The following SLC67A2 variants were observed in gnomAD, a reference collection of about 807,000 sequenced individuals.
SLC67A2 encodes the protein solute carrier family 67 member A2.
At chr2:102,729,314 AG>A in the SLC67A2 span, among the ~76,000 whole-genome samples, 1 of 152,236 alleles carries the variant, frequency 6.6e-6, no homozygotes, top group Admixed American at 6.5e-5. Context: ...AACTATTGCC[AG>A]GTACTCTGAT....
chr2:102,725,647 A>G, the SLC67A2 span, among the ~76,000 whole-genome samples: 2 of 152,228 alleles, frequency 1.3e-5, no homozygotes, highest in Non-Finnish European at 2.9e-5. Flanking sequence ...AACTGACCAC[A>G]TTTAAGCAAA....
At chr2:102,730,512 T>G in the SLC67A2 span, among the ~76,000 whole-genome samples, 1 of 152,150 alleles carries the variant, frequency 6.6e-6, no homozygotes, top group Non-Finnish European at 1.5e-5. Context: ...TTACTGTCAA[T>G]GAAGTGTAAT....
At chr2:102,731,529 TA>T in the SLC67A2 span, among the ~76,000 whole-genome samples, 1 of 152,244 alleles carries the variant, frequency 6.6e-6, no homozygotes, top group Non-Finnish European at 1.5e-5. Context: ...AAAGAATTTA[TA>T]TTTTTTTTAC....
At chr2:102,725,219 T>C in the SLC67A2 span, among the ~76,000 whole-genome samples, 21 of 152,172 alleles carry the variant, frequency 1.4e-4, no homozygotes, top group African/African-American at 2.4e-5. Flanking sequence ...AATCCACAAC[T>C]GACTTTGTGA....
the SLC67A2 span, chr2:102,723,799 A>G: frequency 6.2e-7 from 1 of 1,614,210 alleles, no homozygotes; most frequent in Non-Finnish European, 8.5e-7. Context: ...CCCAAGATGA[A>G]GCCCACACCG....
chr2:102,735,667 C>T, the SLC67A2 span, among the ~76,000 whole-genome samples: 1 of 152,142 alleles, frequency 6.6e-6, no homozygotes, highest in Non-Finnish European at 1.5e-5. Context: ...CAGAAACTAC[C>T]AACATCAGCT....
the SLC67A2 span, among the ~76,000 whole-genome samples, chr2:102,730,740 G>A: frequency 2.7e-5 from 4 of 150,906 alleles, no homozygotes; most frequent in Admixed American, 2.0e-4. Flanking sequence ...TAGTAGAGAC[G>A]GGGTTTCACC....
chr2:102,736,589 G>A, the SLC67A2 span: 4 of 1,612,966 alleles, frequency 2.5e-6, no homozygotes, highest in Non-Finnish European at 2.5e-6. Flanking sequence ...GAACCGCCTG[G>A]GTCCCCAGGC....
chr2:102,727,030 T>C, the SLC67A2 span: 22 of 1,579,594 alleles, frequency 1.4e-5, no homozygotes, highest in East Asian at 2.3e-5. Flanking sequence ...ACTACCACCA[T>C]GCAAATGACC....
the SLC67A2 span, chr2:102,731,118 A>G: frequency 1.3e-6 from 2 of 1,489,816 alleles, no homozygotes; most frequent in Non-Finnish European, 1.9e-6. Flanking sequence ...CTATCACAAA[A>G]ATGGATTAAT....
the SLC67A2 span, among the ~76,000 whole-genome samples, chr2:102,724,657 T>C: frequency 1.3e-5 from 2 of 152,166 alleles, no homozygotes; most frequent in African/African-American, 2.4e-5. Flanking sequence ...CAACACATAG[T>C]AGAAACTGAA....
At chr2:102,728,176 T>C in the SLC67A2 span, among the ~76,000 whole-genome samples, 2 of 152,142 alleles carry the variant, frequency 1.3e-5, no homozygotes, top group Non-Finnish European at 2.9e-5. Flanking sequence ...CTAAACACTA[T>C]ACTATCAATG....
the SLC67A2 span, among the ~76,000 whole-genome samples, chr2:102,724,581 G>A: frequency 3.9e-5 from 6 of 152,108 alleles, no homozygotes; most frequent in South Asian, 2.1e-4. Context: ...GACCCCCCAC[G>A]TGCAGAACAA....
At chr2:102,720,241 C>T in the SLC67A2 span, among the ~76,000 whole-genome samples, 1 of 152,140 alleles carries the variant, frequency 6.6e-6, no homozygotes, top group African/African-American at 2.4e-5. Context: ...TGTATAAGTG[C>T]TTCAGCCATA....
At chr2:102,716,027 G>C in the SLC67A2 span, 2 of 152,110 alleles carry the variant, frequency 1.3e-5, no homozygotes, top group Non-Finnish European at 2.9e-5. Flanking sequence ...TGATGCTACT[G>C]GTCTCTGGGT....
the SLC67A2 span, chr2:102,718,908 G>A: frequency 2.2e-5 from 36 of 1,614,076 alleles, no homozygotes; most frequent in Middle Eastern, 3.3e-4. Context: ...ACCCCAAAGC[G>A]CTCCTCCAGG....
the SLC67A2 span, among the ~76,000 whole-genome samples, chr2:102,729,627 C>A: frequency 6.6e-6 from 1 of 152,132 alleles, no homozygotes; most frequent in Non-Finnish European, 1.5e-5. Context: ...CATTTTATAT[C>A]ATTAAGGCAA....
At chr2:102,718,495 T>C in the SLC67A2 span, 41 of 1,613,880 alleles carry the variant, frequency 2.5e-5, no homozygotes, top group Non-Finnish European at 3.4e-5. Context: ...AAATGGCCAC[T>C]AAGGCTAACA....
the SLC67A2 span, chr2:102,723,864 T>C: frequency 4.9e-5 from 79 of 1,613,940 alleles, no homozygotes; most frequent in Non-Finnish European, 6.6e-5. Flanking sequence ...TGGAACCACA[T>C]CAGAAAGTAG....
Sources: gnomAD v4.1 joint callset for allele counts (sites outside exome capture counted in the v4.1 genomes callset) on GRCh38, gnomAD v4.1.1 for gene constraint, MANE v1.5 for transcripts, NCBI Gene and HGNC (gene_info 2026-07-23, HGNC 2026-07-21) for gene names.